Variants in FAS observed in about 807,000 individuals in gnomAD.
The protein encoded by FAS is Fas cell surface death receptor, also known as tumor necrosis factor receptor superfamily member 6.
Under a neutral mutation model 33.2 loss-of-function variants are expected in FAS, and 5 were observed. That is an observed-to-expected ratio of 0.15 (90% confidence interval 0.08 to 0.32). FAS has a LOEUF of 0.32. Ranked by LOEUF, FAS falls within the 10% of genes least tolerant of loss-of-function variation. The pLI is 1.00. For synonymous variants in FAS, 131 were observed against 130.7 expected, an observed-to-expected ratio of 1.00 and a Z score of -0.01; for missense variants, 339 against 386.0, an observed-to-expected ratio of 0.88 and a Z score of 1.02.
At chr10:88,986,428 T>C (rs1429488468), upstream of FAS, among the ~76,000 whole-genome samples, 5 of 152,248 alleles carry the variant, frequency 3.3e-5, no homozygotes, top group Non-Finnish European at 7.3e-5. Flanking sequence ...TGCTTTTTAG[T>C]TGCCACAGTC....
chr10:88,973,499 T>C (rs1388959597), intron 2 of FAS: 2 of 640,124 alleles, frequency 3.1e-6, no homozygotes, highest in Non-Finnish European at 4.6e-6. Context: ...CAAGTACTCA[T>C]GGATGTGAGG....
rs1207940490 is a variant in FAS at position 89,014,677 on chromosome 10, A to G, written c.*227A>G. ...CTTCATCAAGAGTAAATGCAGTGGC[A>G]TGCTAAGTACCCAAATAGGAGTGTA... On this transcript the variant is annotated 3_prime_UTR_variant, in exon 9 of 9. Coordinates refer to ENST00000652046, the MANE Select transcript of FAS (RefSeq NM_000043.6). 1 of 673,344 alleles carries G rather than the reference A, an allele frequency of 1.5e-6. No homozygotes were observed. Among genetic ancestry groups the G allele is most frequent in the African/African-American group, 1.8e-5 (1 of 56,896 alleles). The allele number at this position is 673,344 out of a possible 1,614,324, so 41.7% of individuals were successfully genotyped here. A position where few individuals can be genotyped will look rare whatever the true frequency, so the allele number is the denominator to read the frequency against.
At chr10:89,012,232 C>T (rs1848568966) in intron 7 of FAS, 151 bp downstream of exon 7, 5 of 671,408 alleles carry the variant, frequency 7.4e-6, no homozygotes, top group Admixed American at 4.5e-5. Flanking sequence ...GGCTGGAGTG[C>T]AGGGGTGCAA....
upstream of FAS, among the ~76,000 whole-genome samples, chr10:88,988,979 C>T (rs3758483): frequency 0.9 from 137,361 of 152,268 alleles, 62,195 homozygotes; most frequent in East Asian, 0.99. Context: ...CGTACGTGGG[C>T]AGAGGGTAGG....
At position 89,015,264 on chromosome 10, in the gene FAS, C is replaced by T. The variant is rs547464881; in HGVS notation, c.*814C>T. 181 of 534,700 alleles carry T rather than the reference C, an allele frequency of 3.4e-4. 1 individual carries two copies. The highest frequency in any genetic ancestry group is 2.7e-3 in the South Asian group (175 of 65,166). 33.1% of individuals were successfully genotyped at this position (534,700 alleles called of 1,614,324 possible). On this transcript the variant is annotated 3_prime_UTR_variant, in exon 9 of 9. Transcript: ENST00000652046. The stretch of plus-strand genomic sequence containing the variant: ...TGCACCCCCAAACATGGAAATATCA[C>T]CAAAAAATACTTAATAGTCCACCAA...
chr10:88,968,747 G>A (rs181621899), intron 1 of FAS, among the ~76,000 whole-genome samples: 1 of 152,274 alleles, frequency 6.6e-6, no homozygotes, highest in East Asian at 1.9e-4. Context: ...TGCTAAAAAT[G>A]TTAGAGGCAG....
chr10:88,968,941 T>G (rs1223160882), intron 1 of FAS, among the ~76,000 whole-genome samples: 1 of 152,122 alleles, frequency 6.6e-6, no homozygotes, highest in African/African-American at 2.4e-5. Context: ...TTGGTATTCA[T>G]AAAACATTAC....
chr10:88,972,880 A>G (rs998791064), intron 1 of FAS, among the ~76,000 whole-genome samples: 1 of 151,910 alleles, frequency 6.6e-6, no homozygotes, highest in Non-Finnish European at 1.5e-5. Context: ...CTTAACTGAG[A>G]CTCTTACAGG....
In FAS at chr10:89,014,807, C is replaced by T. The variant is rs1848715969; in HGVS notation, c.*357C>T. 1 of 548,860 alleles carries T rather than the reference C, an allele frequency of 1.8e-6. No individual in the cohort carries two copies. Among genetic ancestry groups the T allele is most frequent in the Non-Finnish European group, 3.5e-6 (1 of 286,996 alleles). The allele number at this position is 548,860 out of a possible 1,614,324, so 34.0% of individuals were successfully genotyped here. A position where few individuals can be genotyped will look rare whatever the true frequency, so the allele number is the denominator to read the frequency against. ...GTACAAATGTCTATCCACAGGCTAA[C>T]CCCACTCTATGAATCAATAGAAGAA... On this transcript the variant is annotated 3_prime_UTR_variant, in exon 9 of 9. Transcript: ENST00000652046.
intron 3 of FAS, among the ~76,000 whole-genome samples, chr10:89,008,228 C>T (rs1848344100): frequency 1.3e-5 from 2 of 152,270 alleles, no homozygotes; most frequent in Middle Eastern, 3.4e-3. Flanking sequence ...TAGGAATGCT[C>T]CCCCTTTCTT....
intron 4 of FAS, 149 bp from the exon 5 acceptor site, chr10:89,010,390 T>C: frequency 1.5e-6 from 1 of 680,696 alleles, no homozygotes; most frequent in Non-Finnish European, 2.6e-6. Flanking sequence ...GTGCCAGCTT[T>C]AGATACTAAT....
At chr10:88,993,319 T>C (rs1847378090) in intron 1 of FAS, among the ~76,000 whole-genome samples, 1 of 152,084 alleles carries the variant, frequency 6.6e-6, no homozygotes, top group East Asian at 1.9e-4. Flanking sequence ...TTTTTTTTTA[T>C]TGTGCATGAC....
At chr10:88,979,639 C>A (rs1846660652) in intron 2 of FAS, among the ~76,000 whole-genome samples, 1 of 151,748 alleles carries the variant, frequency 6.6e-6, no homozygotes, top group Admixed American at 6.6e-5. Context: ...GTCTACATAA[C>A]CTGAGAGATG....
In FAS at chr10:88,981,001, T is replaced by C. The variant is rs571834687; in HGVS notation, n.260+7654T>C. The stretch of plus-strand genomic sequence containing the variant: ...TATATGAAAAGTGGGATTTGGACTA[T>C]GGAGGAATAGGGTCCTTCCAGAGGG... On this transcript the variant is annotated intron_variant and non_coding_transcript_variant, in intron 2 of 3. Transcript: ENST00000688239. Among the ~76,000 whole-genome samples the C allele has an allele frequency of 2.6e-5, 4 of 152,296 alleles. No homozygotes were observed. The South Asian group carries it at 8.3e-4, about 32-fold the overall frequency.
At position 89,015,536 on chromosome 10, in the gene FAS, A is replaced by G. The variant is rs1215287741; in HGVS notation, c.*1086A>G. The G allele has an allele frequency of 5.6e-6, 3 of 534,186 alleles. No homozygotes were observed. The highest frequency in any genetic ancestry group is 1.1e-5 in the Non-Finnish European group (3 of 276,556). The allele number at this position is 534,186 out of a possible 1,614,324, so 33.1% of individuals were successfully genotyped here. ...TAGGAATTGCTCTTGTCATACCCCC[A>G]AGTTTCTAAGATTTAAGATTCTCCT... On this transcript the variant is annotated 3_prime_UTR_variant, in exon 9 of 9. Coordinates refer to ENST00000652046, the MANE Select transcript of FAS (RefSeq NM_000043.6).
At chr10:89,000,363 A>C (rs1847850233) in intron 1 of FAS, among the ~76,000 whole-genome samples, 1 of 152,186 alleles carries the variant, frequency 6.6e-6, no homozygotes, top group African/African-American at 2.4e-5. Context: ...TTTACTAAAA[A>C]ATAATAACAC....
intron 2 of FAS, among the ~76,000 whole-genome samples, chr10:88,979,211 A>G (rs1026100930): frequency 3.9e-5 from 6 of 152,002 alleles, no homozygotes; most frequent in Non-Finnish European, 8.8e-5. Context: ...GAGCGTAGGG[A>G]TCTGGGGAGG....
intron 2 of FAS, among the ~76,000 whole-genome samples, chr10:88,978,413 A>T (rs1170995669): frequency 6.6e-6 from 1 of 152,158 alleles, no homozygotes; most frequent in African/African-American, 2.4e-5. Context: ...AAATAAATAA[A>T]TAAATAAATA....
At chr10:89,002,964 C>T (rs2133469476) in intron 1 of FAS, 65 bp from the exon 2 acceptor site, 1 of 1,594,312 alleles carries the variant, frequency 6.3e-7, no homozygotes. Context: ...GGGTGGGTTA[C>T]ACTTGTTTAC....
Sources: allele counts gnomAD v4.1 joint callset (sites outside exome capture counted in the v4.1 genomes callset), GRCh38; gene constraint gnomAD v4.1.1; transcripts MANE v1.5; gene names NCBI Gene and HGNC (gene_info 2026-07-23, HGNC 2026-07-21).